The following MAP4K5 variants were observed in gnomAD, a reference collection of about 807,000 sequenced individuals.
The protein encoded by MAP4K5 is MAPK/ERK kinase kinase kinase 5.
In MAP4K5, 82 loss-of-function variants were observed where a neutral mutation model predicts 135.6. That is an observed-to-expected ratio of 0.60 (90% CI 0.51 to 0.73). The LOEUF (loss-of-function observed/expected upper bound fraction) is 0.73, where lower values mean the gene tolerates loss of function less well. MAP4K5 is among the 30% of genes least tolerant of loss of function. The probability of loss-of-function intolerance (pLI) is 0.00; values close to 1 mark genes in which losing one functional copy is unlikely to be tolerated. For missense variants in MAP4K5, 907 were observed against 1,010.9 expected (o/e 0.90, Z 1.39); for synonymous variants, 347 against 335.0 (o/e 1.04, Z -0.39).
At chr14:50,475,517 T>A (rs2037076271) in intron 8 of MAP4K5, among the ~76,000 whole-genome samples, 1 of 151,914 alleles carries the variant, frequency 6.6e-6, no homozygotes, top group Non-Finnish European at 1.5e-5. Flanking sequence ...TCTGGTACTA[T>A]TTTTTTTACA....
intron 2 of MAP4K5, among the ~76,000 whole-genome samples, chr14:50,520,447 G>A (rs2038125163): frequency 6.6e-6 from 1 of 152,150 alleles, no homozygotes; most frequent in African/African-American, 2.4e-5. Flanking sequence ...GTAGTAGTGA[G>A]CCGAGATCAT....
At chr14:50,428,244 A>C (rs1405141117) in intron 30 of MAP4K5, among the ~76,000 whole-genome samples, 1 of 152,182 alleles carries the variant, frequency 6.6e-6, no homozygotes, top group Non-Finnish European at 1.5e-5. Flanking sequence ...ACTGTATTTA[A>C]GAGCACAGAT....
intron 3 of MAP4K5, among the ~76,000 whole-genome samples, chr14:50,496,380 T>G (rs2037593413): frequency 6.6e-6 from 1 of 152,018 alleles, no homozygotes; most frequent in African/African-American, 2.4e-5. Context: ...TGGTAAAGTT[T>G]ATGTGTTTTT....
chr14:50,511,186 A>T (rs1034827229), intron 2 of MAP4K5, among the ~76,000 whole-genome samples: 1 of 152,176 alleles, frequency 6.6e-6, no homozygotes, highest in African/African-American at 2.4e-5. Context: ...AATAAAGAAA[A>T]TCTGATTATA....
intron 2 of MAP4K5, among the ~76,000 whole-genome samples, chr14:50,506,985 T>C (rs2037824090): frequency 1.3e-5 from 2 of 152,336 alleles, no homozygotes; most frequent in Admixed American, 6.5e-5. Context: ...ATTTAGCCTG[T>C]CCACCTCTCA....
At chr14:50,511,997 C>A (rs1336448429) in intron 2 of MAP4K5, among the ~76,000 whole-genome samples, 2 of 151,950 alleles carry the variant, frequency 1.3e-5, no homozygotes, top group African/African-American at 4.8e-5. Flanking sequence ...TTTGTCAAAA[C>A]CCATAGAACT....
chr14:50,483,542 A>G (rs1416128444), intron 5 of MAP4K5, among the ~76,000 whole-genome samples: 1 of 152,024 alleles, frequency 6.6e-6, no homozygotes, highest in African/African-American at 2.4e-5. Flanking sequence ...CACTTTATTA[A>G]CAACATCTAA....
In MAP4K5 at chr14:50,541,939, A is replaced by G. The variant is rs188361915; in HGVS notation, c.-94+560T>C. Among the ~76,000 whole-genome samples the G allele has an allele frequency of 1.3e-4, 18 of 135,832 alleles. No homozygotes were observed. The East Asian group carries it at 4.4e-3, about 33-fold the overall frequency. 89.1% of individuals were successfully genotyped at this position (135,832 alleles called of 152,430 possible). A position where few individuals can be genotyped will look rare whatever the true frequency, so the allele number is the denominator to read the frequency against. On this transcript the variant is annotated intron_variant, in intron 2 of 8. Transcript: ENST00000555216. The stretch of plus-strand genomic sequence containing the variant: ...GGAGAATGGCATGAACCCAGGAGGC[A>G]GAGCTTGTAGTGAGCCGAGATCGCG...
chr14:50,446,595 G>C (rs1332206539), intron 16 of MAP4K5, among the ~76,000 whole-genome samples: 1 of 152,140 alleles, frequency 6.6e-6, no homozygotes, highest in Non-Finnish European at 1.5e-5. Context: ...CACTTATCTA[G>C]TCCACTGGTC....
chr14:50,515,312 C>T (rs547075974), intron 2 of MAP4K5, among the ~76,000 whole-genome samples: 59 of 152,336 alleles, frequency 3.9e-4, no homozygotes, highest in African/African-American at 1.3e-3. Context: ...ACTACTCTGA[C>T]TTTTCATTCT....
chr14:50,436,540 C>T (rs895777473), intron 26 of MAP4K5, among the ~76,000 whole-genome samples: 2 of 149,478 alleles, frequency 1.3e-5, no homozygotes, highest in African/African-American at 4.9e-5. Context: ...GCAAGGTGGT[C>T]AATCAATCAT....
At chr14:50,513,163 C>T (rs1448208527) in intron 2 of MAP4K5, among the ~76,000 whole-genome samples, 2 of 152,162 alleles carry the variant, frequency 1.3e-5, no homozygotes, top group African/African-American at 4.8e-5. Context: ...ATAAAATCCA[C>T]AATAGAATCA....
intron 2 of MAP4K5, among the ~76,000 whole-genome samples, chr14:50,507,551 T>C (rs373115697): frequency 6.6e-6 from 1 of 152,374 alleles, no homozygotes; most frequent in East Asian, 1.9e-4. Flanking sequence ...TGTTGTGTCT[T>C]TGTTCTCATT....
At chr14:50,453,744 C>T (rs2036541463) in intron 14 of MAP4K5, among the ~76,000 whole-genome samples, 1 of 152,116 alleles carries the variant, frequency 6.6e-6, no homozygotes, top group Non-Finnish European at 1.5e-5. Flanking sequence ...AGATACATCC[C>T]TACTTTGCAT....
intron 6 of MAP4K5, among the ~76,000 whole-genome samples, chr14:50,480,550 A>G (rs540835605): frequency 1.3e-5 from 2 of 152,286 alleles, no homozygotes; most frequent in East Asian, 1.9e-4. Context: ...AAGTAAGAAC[A>G]TGTGATGTTT....
intron 3 of MAP4K5, among the ~76,000 whole-genome samples, chr14:50,499,366 C>T (rs2037659837): frequency 6.6e-6 from 1 of 151,886 alleles, no homozygotes; most frequent in African/African-American, 2.4e-5. Context: ...GGAATAGAAG[C>T]AGTATTGGGG....
intron 2 of MAP4K5, among the ~76,000 whole-genome samples, chr14:50,526,452 T>A (rs1831049508): frequency 1.3e-5 from 2 of 152,168 alleles, no homozygotes; most frequent in South Asian, 4.1e-4. Flanking sequence ...CCTGCCACCA[T>A]GCCCGGCTAA....
intron 30 of MAP4K5, among the ~76,000 whole-genome samples, chr14:50,426,481 T>A (rs890939245): frequency 6.6e-6 from 1 of 152,128 alleles, no homozygotes; most frequent in African/African-American, 2.4e-5. Flanking sequence ...CCTCAGCACT[T>A]TGGGAGGCCG....
At chr14:50,545,420 G>A (rs569403555) in intron 1 of MAP4K5, among the ~76,000 whole-genome samples, 2 of 152,312 alleles carry the variant, frequency 1.3e-5, no homozygotes, top group East Asian at 3.9e-4. Context: ...TCAGGAAGGG[G>A]TGTCTGCAGT....
Sources: allele counts gnomAD v4.1 joint callset (sites outside exome capture counted in the v4.1 genomes callset), GRCh38; gene constraint gnomAD v4.1.1; transcripts MANE v1.5; gene names NCBI Gene and HGNC (gene_info 2026-07-23, HGNC 2026-07-21).